Variants in NALF1 observed in about 807,000 individuals in gnomAD.
The protein encoded by NALF1 is NALCN channel auxiliary factor 1.
Under a neutral mutation model 48.4 loss-of-function variants are expected in NALF1, and 3 were observed. That is an observed-to-expected ratio of 0.06 (90% CI 0.03 to 0.16). NALF1 has a LOEUF of 0.16. Among genes scored for constraint, NALF1 ranks in the 10% least tolerant of loss-of-function variants. The pLI, the probability that NALF1 is intolerant of heterozygous loss-of-function variation, is 1.00. For missense variants in NALF1, 526 were observed against 571.5 expected (o/e 0.92, Z 0.81); for synonymous variants, 262 against 245.7 (o/e 1.07, Z -0.62).
At chr13:107,661,425 T>G (rs1880731992) in intron 1 of NALF1, among the ~76,000 whole-genome samples, 2 of 152,192 alleles carry the variant, frequency 1.3e-5, no homozygotes, top group African/African-American at 4.8e-5. Context: ...TTGCTGTTTA[T>G]GACATATTCA....
intron 1 of NALF1, among the ~76,000 whole-genome samples, chr13:107,815,749 C>A (rs1879144548): frequency 6.6e-6 from 1 of 152,154 alleles, no homozygotes; most frequent in African/African-American, 2.4e-5. Flanking sequence ...TGTCCATCAA[C>A]TGGTGAATGG....
intron 1 of NALF1, among the ~76,000 whole-genome samples, chr13:107,390,862 C>A (rs1373017103): frequency 2.9e-5 from 4 of 137,994 alleles, no homozygotes; most frequent in Non-Finnish European, 4.8e-5. Context: ...AAAGTCAAGA[C>A]CTGCAGCCAG....
intron 1 of NALF1, among the ~76,000 whole-genome samples, chr13:107,569,340 T>C (rs1210246545): frequency 2.6e-5 from 4 of 151,896 alleles, no homozygotes; most frequent in South Asian, 2.1e-4. Context: ...GGCGTGGTGG[T>C]GGGTGCTTGT....
rs77658941 is a variant in NALF1, at chr13:107,830,069, C to T, written c.915+35613G>A. Among the ~76,000 whole-genome samples the T allele has an allele frequency of 3.3e-3, 495 of 152,274 alleles. 5 individuals are homozygous for T. Among genetic ancestry groups the T allele is most frequent in the African/African-American group, 0.011 (472 of 41,564 alleles). On this transcript the variant is annotated intron_variant, in intron 1 of 2. Coordinates refer to ENST00000375915, the MANE Select transcript of NALF1 (RefSeq NM_001080396.3). ...GAGTGCCATTATTACACCCGGAACC[C>T]TCACCAAATAAGTAGGAAAACTACA...
chr13:107,346,918 A>G (rs1255370164), intron 1 of NALF1, among the ~76,000 whole-genome samples: 3 of 152,178 alleles, frequency 2.0e-5, no homozygotes, highest in African/African-American at 4.8e-5. Context: ...CATCTGGAAA[A>G]TTGGGAAGAA....
At chr13:107,268,685 C>G (rs1881093459) in intron 1 of NALF1, among the ~76,000 whole-genome samples, 1 of 152,140 alleles carries the variant, frequency 6.6e-6, no homozygotes, top group Admixed American at 6.5e-5. Flanking sequence ...AGATGATATT[C>G]TTTAAAAAGT....
At chr13:107,278,438 T>C (rs1881324011) in intron 1 of NALF1, among the ~76,000 whole-genome samples, 1 of 152,230 alleles carries the variant, frequency 6.6e-6, no homozygotes, top group South Asian at 2.1e-4. Flanking sequence ...GAATTAAGGA[T>C]TATATGGGGT....
intron 1 of NALF1, among the ~76,000 whole-genome samples, chr13:107,546,574 T>C (rs11842729): frequency 0.17 from 25,598 of 152,080 alleles, 2,374 homozygotes; most frequent in South Asian, 0.24. Context: ...ACCTGAACCA[T>C]TGCTAATACA....
At chr13:107,244,671 C>T (rs755511386) in intron 1 of NALF1, among the ~76,000 whole-genome samples, 2 of 152,070 alleles carry the variant, frequency 1.3e-5, no homozygotes, top group Admixed American at 1.3e-4. Flanking sequence ...AATTCTTCAT[C>T]GATGAAAACA....
chr13:107,240,291 A>G (rs1238708957), intron 1 of NALF1, among the ~76,000 whole-genome samples: 2 of 152,206 alleles, frequency 1.3e-5, no homozygotes, highest in Non-Finnish European at 2.9e-5. Context: ...CATTCTTTGA[A>G]TTAGGACTTC....
Position 107,867,496 on chromosome 13 carries a change from T to G in NALF1, c.-900A>C, listed in dbSNP as rs1173664764. On this transcript the variant is annotated 5_prime_UTR_variant, in exon 1 of 3. Transcript: ENST00000375915. This position sits in a 1 kb window ranked among gnomAD's most constrained non-coding sequence, Gnocchi z 4.4. ...TCTTCGTCCTGGAGAAACACTTTTT[T>G]GGGGGGAGCGCTGGCTTTTGCGTCA... Among the ~76,000 whole-genome samples the G allele has an allele frequency of 1.3e-5, 2 of 148,504 alleles. No individual in the cohort carries two copies. Among genetic ancestry groups the G allele is most frequent in the African/African-American group, 4.9e-5 (2 of 40,930 alleles).
At chr13:107,373,972 G>C (rs1362219955) in intron 1 of NALF1, among the ~76,000 whole-genome samples, 1 of 152,116 alleles carries the variant, frequency 6.6e-6, no homozygotes, top group Non-Finnish European at 1.5e-5. Flanking sequence ...ATGGAACATA[G>C]TTTTTCCTAT....
At position 107,571,009 on chromosome 13, in the gene NALF1, A is replaced by G. The variant is rs141936403; in HGVS notation, c.915+294673T>C. Among the ~76,000 whole-genome samples the G allele has an allele frequency of 2.6e-5, 4 of 152,336 alleles. No individual in the cohort carries two copies. The East Asian group carries it at 7.7e-4, about 29-fold the overall frequency. Reference sequence around the variant, plus strand: ...GCTATGGCAACACAACCCTAAAATTAGAGCTGAAATAGATGGGAAAACATT... The same window carrying G: ...GCTATGGCAACACAACCCTAAAATTGGAGCTGAAATAGATGGGAAAACATT... On this transcript the variant is annotated intron_variant, in intron 1 of 2. Transcript: ENST00000375915.
At chr13:107,387,585 C>T (rs559275052) in intron 1 of NALF1, among the ~76,000 whole-genome samples, 11 of 152,170 alleles carry the variant, frequency 7.2e-5, no homozygotes, top group African/African-American at 2.6e-4. Flanking sequence ...CCCCCACCTC[C>T]CAAAAACGAC....
chr13:107,451,930 T>C (rs950628653), intron 1 of NALF1, among the ~76,000 whole-genome samples: 1 of 152,180 alleles, frequency 6.6e-6, no homozygotes, highest in Non-Finnish European at 1.5e-5. Context: ...TTTCCCAAAG[T>C]AATTCACCCC....
At chr13:107,497,749 G>C (rs16970314) in intron 1 of NALF1, among the ~76,000 whole-genome samples, 7,503 of 152,260 alleles carry the variant, frequency 0.049, 644 homozygotes, top group African/African-American at 0.17. Flanking sequence ...ATTACAGAAA[G>C]TCCAAGGTCA....
intron 1 of NALF1, among the ~76,000 whole-genome samples, chr13:107,511,385 C>T (rs976072062): frequency 6.6e-6 from 1 of 152,046 alleles, no homozygotes; most frequent in African/African-American, 2.4e-5. Flanking sequence ...AAATTACAGA[C>T]GTTTGGTGGA....
chr13:107,689,521 G>C (rs780971031), intron 1 of NALF1, among the ~76,000 whole-genome samples: 20 of 152,042 alleles, frequency 1.3e-4, no homozygotes, highest in Admixed American at 5.2e-4. Flanking sequence ...ATGGACCTTG[G>C]CCAAATGGAG....
chr13:107,342,198 A>G (rs1375129355), intron 1 of NALF1, among the ~76,000 whole-genome samples: 5 of 152,176 alleles, frequency 3.3e-5, no homozygotes, highest in Admixed American at 1.3e-4. Context: ...AATCATTTGT[A>G]TTTTCTATAA....
Sources: gnomAD v4.1 joint callset for allele counts (sites outside exome capture counted in the v4.1 genomes callset) on GRCh38, gnomAD v4.1.1 for gene constraint, Gnocchi (gnomAD v3.1) non-coding constraint, MANE v1.5 for transcripts, NCBI Gene and HGNC (gene_info 2026-07-23, HGNC 2026-07-21) for gene names.